Variants in LATS1 observed in about 807,000 individuals in gnomAD.
LATS1 encodes the protein serine/threonine-protein kinase LATS1.
LATS1 carries 25 observed loss-of-function variants against 106.6 expected under a neutral mutation model. The ratio of observed to expected loss-of-function variants is 0.23; its 90% confidence interval spans 0.17 to 0.33. The LOEUF is 0.33. Among genes scored for constraint, LATS1 ranks in the 10% least tolerant of loss-of-function variants. The pLI, the probability that LATS1 is intolerant of heterozygous loss-of-function variation, is 1.00. For missense variants in LATS1, 1,040 were observed against 1,382.6 expected (o/e 0.75, Z 3.93); for synonymous variants, 465 against 455.6 (o/e 1.02, Z -0.26).
At position 149,717,990 on chromosome 6, in the gene LATS1, C is replaced by T. The variant is rs1398336600; in HGVS notation, c.-282G>A. 1 of 364,524 alleles carries T rather than the reference C, an allele frequency of 2.7e-6. No homozygotes were observed. Among genetic ancestry groups the T allele is most frequent in the Non-Finnish European group, 5.3e-6 (1 of 189,734 alleles). The allele number at this position is 364,524 out of a possible 1,614,324, so 22.6% of individuals were successfully genotyped here. A position where few individuals can be genotyped will look rare whatever the true frequency, so the allele number is the denominator to read the frequency against. ...GAACGGGGGGGCTGCCGCGGGCCAG[C>T]GCGGCCCGTCCCAGGGGTCGTGAGG... On this transcript the variant is annotated 5_prime_UTR_variant, in exon 1 of 8. Coordinates refer to ENST00000543571, the MANE Select transcript of LATS1 (RefSeq NM_004690.4).
rs772566591 is a variant in LATS1, at chr6:149,683,746, C to G, written c.1343G>C (p.Gly448Ala). The G allele has an allele frequency of 1.9e-6, 3 of 1,613,926 alleles. No homozygotes were observed. In the Admixed American group the frequency reaches 5.0e-5, roughly 27 times the overall value. ...SAPAQSSPSS[G>A]HEIPTWQPNI... is the part of the protein sequence containing the mutation. ...AGGTTGCCATGTAGGGATTTCATGC[C>G]CACTGCTCGGGGATGACTGGGCTGG... Residue 448 changes from glycine to alanine, a missense_variant, in exon 4 of 8, where the codon GGG becomes GCG. Physicochemically the swap from Gly to Ala is moderately conservative, Grantham distance 60. Around this residue, in one of 7 missense-constraint regions of LATS1, gnomAD observed 624 missense variants for 714.8 expected, o/e 0.87. Transcript: ENST00000543571.
chr6:149,673,581 TA>T (rs1368342423), intron 7 of LATS1, among the ~76,000 whole-genome samples: 1 of 151,834 alleles, frequency 6.6e-6, no homozygotes, highest in Non-Finnish European at 1.5e-5. Context: ...ATTTCAGACA[TA>T]CCTGAGACAA....
chr6:149,708,971 G>C (rs1316715246), intron 1 of LATS1, among the ~76,000 whole-genome samples: 1 of 152,114 alleles, frequency 6.6e-6, no homozygotes, highest in Non-Finnish European at 1.5e-5. Flanking sequence ...GGCAAGCAGG[G>C]GAGTGGGAAA....
chr6:149,700,213 T>C (rs1783374004), intron 2 of LATS1, among the ~76,000 whole-genome samples: 1 of 152,294 alleles, frequency 6.6e-6, no homozygotes, highest in Middle Eastern at 3.4e-3. Context: ...TGGTGGCTCA[T>C]GCCTGTAATC....
At chr6:149,702,511 G>A (rs1783521470) in intron 1 of LATS1, among the ~76,000 whole-genome samples, 1 of 151,048 alleles carries the variant, frequency 6.6e-6, no homozygotes, top group Non-Finnish European at 1.5e-5. Context: ...TCCTTAGTAA[G>A]CATACCAAGC....
At chr6:149,673,688 T>C (rs987079146) in intron 7 of LATS1, among the ~76,000 whole-genome samples, 1 of 151,680 alleles carries the variant, frequency 6.6e-6, no homozygotes, top group East Asian at 1.9e-4. Context: ...CTTTTTTTTT[T>C]TTTGAGATAG....
At chr6:149,675,515 G>C (rs1453627378) in intron 7 of LATS1, among the ~76,000 whole-genome samples, 1 of 152,200 alleles carries the variant, frequency 6.6e-6, no homozygotes, top group Non-Finnish European at 1.5e-5. Context: ...AGGTGACAAA[G>C]AGTAAACTGG....
At chr6:149,679,660 CTTTCA>C (rs1399435725) in intron 5 of LATS1, among the ~76,000 whole-genome samples, 4 of 151,880 alleles carry the variant, frequency 2.6e-5, no homozygotes, top group African/African-American at 7.3e-5. Flanking sequence ...CTAGCACATT[CTTTCA>C]TTTCATAAGT....
chr6:149,669,624 G>A (rs921033535), intron 7 of LATS1, among the ~76,000 whole-genome samples: 11 of 151,828 alleles, frequency 7.2e-5, no homozygotes, highest in Non-Finnish European at 7.4e-5. Context: ...AGCCAAGCGT[G>A]ATGGCATGTG....
intron 2 of LATS1, 29 bp from the exon 3 acceptor site, chr6:149,695,250 GAAAC>G (rs762640686): frequency 2.8e-6 from 4 of 1,444,470 alleles, no homozygotes; most frequent in Admixed American, 2.0e-5. Flanking sequence ...TAAAAAAAAA[GAAAC>G]AAAATTTAAA....
chr6:149,679,817 A>T, intron 5 of LATS1, 58 bp downstream of exon 5: 1 of 1,216,914 alleles, frequency 8.2e-7, no homozygotes, highest in Non-Finnish European at 1.1e-6. Context: ...ATATTTTACT[A>T]CATCAATAAA....
chr6:149,698,848 A>G (rs567617625), intron 2 of LATS1, among the ~76,000 whole-genome samples: 2 of 152,280 alleles, frequency 1.3e-5, no homozygotes, highest in East Asian at 1.9e-4. Flanking sequence ...GGCGTGAGCC[A>G]CCATGCCTAG....
At chr6:149,690,220 T>C (rs1267733638) in intron 3 of LATS1, among the ~76,000 whole-genome samples, 3 of 149,626 alleles carry the variant, frequency 2.0e-5, no homozygotes, top group African/African-American at 4.9e-5. Context: ...TTTCTTTTTT[T>C]TTTTTTTTTT....
chr6:149,687,366 C>T (rs1417859928), intron 3 of LATS1, among the ~76,000 whole-genome samples: 4 of 152,232 alleles, frequency 2.6e-5, no homozygotes, highest in South Asian at 4.1e-4. Context: ...GTTGGGATTA[C>T]AGGCATGAGC....
At chr6:149,684,676 A>G (rs1782264346) in intron 3 of LATS1, 84 bp from the exon 4 acceptor site, 1 of 866,444 alleles carries the variant, frequency 1.2e-6, no homozygotes. Context: ...CAATTCTGAT[A>G]TTACAAATGA....
Position 149,670,983 on chromosome 6 carries a change from T to C in LATS1, c.2883+5277A>G, listed in dbSNP as rs566870042. On this transcript the variant is annotated intron_variant, in intron 7 of 7. Transcript: ENST00000543571. ...TCTGGGGTCATTTCTAGGAACTCTT[T>C]ACCTAACTCCAGCCCACAGAGATTT... Among the ~76,000 whole-genome samples the C allele has an allele frequency of 3.2e-4, 49 of 152,068 alleles. 1 individual carries two copies. The highest frequency in any genetic ancestry group is 1.1e-3 in the African/African-American group (47 of 41,352).
chr6:149,696,216 T>C (rs187205874), intron 2 of LATS1, among the ~76,000 whole-genome samples: 209 of 149,770 alleles, frequency 1.4e-3, no homozygotes, highest in African/African-American at 4.9e-3. Flanking sequence ...TTCCTAATTC[T>C]TATATAAACA....
In LATS1 at chr6:149,684,513, C is replaced by G. The variant is rs774657233; in HGVS notation, c.576G>C (p.Pro192=). The stretch of plus-strand genomic sequence containing the variant: ...GATAGGCCACACTTTCTCCTAGTGG[C>G]GGGCCATGCCTCTGAGGAACTAAGG... The part of the protein sequence containing the change: ...KESLVPQRHG[P]PLGESVAYHS... Residue 192 remains proline (P), a synonymous_variant, in exon 4 of 8, where the codon CCG becomes CCC. Transcript: ENST00000543571. 1.2e-6 allele frequency: 2 copies of G among 1,614,072 alleles called. No homozygotes were observed. The highest frequency in any genetic ancestry group is 1.7e-6 in the Non-Finnish European group (2 of 1,179,960).
At chr6:149,664,992 C>T (rs536633220) in intron 7 of LATS1, among the ~76,000 whole-genome samples, 2 of 152,266 alleles carry the variant, frequency 1.3e-5, no homozygotes, top group African/African-American at 2.4e-5. Context: ...CTGGTAGCAA[C>T]GGAGGTGGCA....
Sources: allele counts gnomAD v4.1 joint callset (sites outside exome capture counted in the v4.1 genomes callset), GRCh38; gene constraint gnomAD v4.1.1; regional missense constraint gnomAD v4.1.1; transcripts MANE v1.5; gene names NCBI Gene and HGNC (gene_info 2026-07-23, HGNC 2026-07-21).